The following TMEM175 variants were observed in gnomAD, a reference collection of about 807,000 sequenced individuals.
TMEM175 encodes transmembrane protein 175, also known as endosomal/lysosomal proton channel TMEM175.
In TMEM175, 36 loss-of-function variants were observed where a neutral mutation model predicts 36.5. That is an observed-to-expected ratio of 0.99 (90% CI 0.76 to 1.30). TMEM175 has a LOEUF of 1.30. Among genes scored for constraint, TMEM175 ranks in the 50% most tolerant of loss-of-function variants. TMEM175 has a pLI of 0.00. For missense variants in TMEM175, 705 were observed against 692.8 expected, an observed-to-expected ratio of 1.02 and a Z score of -0.20; for synonymous variants, 339 against 313.4, an observed-to-expected ratio of 1.08 and a Z score of -0.86.
chr4:950,987 G>T (rs944048436), intron 4 of TMEM175, among the ~76,000 whole-genome samples: 3 of 152,006 alleles, frequency 2.0e-5, no homozygotes, highest in African/African-American at 7.3e-5. Flanking sequence ...AGGTGTGGGC[G>T]GTGCGGATGG....
At chr4:952,274 TG>T in intron 6 of TMEM175, 92 bp from the exon 7 acceptor site, 1 of 1,096,958 alleles carries the variant, frequency 9.1e-7, no homozygotes, top group Non-Finnish European at 1.4e-6. Flanking sequence ...CAGCGTCCCG[TG>T]GAGTGGGGAG....
At position 957,844 on chromosome 4, in the gene TMEM175, C is replaced by T. The variant is rs748577289; in HGVS notation, c.863C>T (p.Pro288Leu). ...CTCAGCGAAGACAACGTCCCGGACCCCAAGGATGTGAAGGAGAGGTTCAGC... is the reference window on the plus strand; with the variant it reads ...CTCAGCGAAGACAACGTCCCGGACCTCAAGGATGTGAAGGAGAGGTTCAGC... Reference protein sequence around the residue: ...LDICEDNVPDPKDVKERFSGS... With the variant: ...LDICEDNVPDLKDVKERFSGS... Residue 288 changes from proline to leucine, a missense_variant, in exon 11 of 11, where the codon CCC (proline) becomes CTC (leucine). Transcript: ENST00000264771. 8.1e-6 allele frequency: 13 copies of T among 1,611,072 alleles called. No homozygotes were observed. The East Asian group carries it at 2.0e-4, about 25-fold the overall frequency.
rs1397197996 is a variant in TMEM175, at chr4:958,512, C to T, written c.*16C>T. 2.0e-6 allele frequency: 3 copies of T among 1,488,486 alleles called. No homozygotes were observed. The highest frequency in any genetic ancestry group is 2.7e-6 in the Non-Finnish European group (3 of 1,120,458). The allele number at this position is 1,488,486 out of a possible 1,614,324, so 92.2% of individuals were successfully genotyped here. A position where few individuals can be genotyped will look rare whatever the true frequency, so the allele number is the denominator to read the frequency against. On this transcript the variant is annotated 3_prime_UTR_variant, in exon 11 of 11. Coordinates refer to ENST00000264771, the MANE Select transcript of TMEM175 (RefSeq NM_032326.4). The stretch of plus-strand genomic sequence containing the variant: ...CCCCTGCTAGCAGCCACAGAGCCCA[C>T]TCCCAGCCGTCCTCACCAGAGATGG...
chr4:937,408 A>T (rs111646157), intron 1 of TMEM175, among the ~76,000 whole-genome samples: 3,914 of 152,152 alleles, frequency 0.026, 57 homozygotes, highest in Non-Finnish European at 0.041. Context: ...TACTCAAAAT[A>T]CAAAAATTAC....
chr4:941,363 C>T (rs1369753930), intron 1 of TMEM175, among the ~76,000 whole-genome samples: 20 of 116,468 alleles, frequency 1.7e-4, no homozygotes, highest in African/African-American at 2.8e-4. Context: ...GTAGCAAGAG[C>T]GAAACTCTGT....
chr4:935,054 A>C (rs932138680), intron 1 of TMEM175, among the ~76,000 whole-genome samples: 3 of 152,228 alleles, frequency 2.0e-5, no homozygotes, highest in Non-Finnish European at 2.9e-5. Flanking sequence ...AATAGCTATT[A>C]TGAGAAACCT....
rs370932930 is a variant in TMEM175, at chr4:951,259, G to T, written c.342+1G>T. ...CGACACACTTGCCCTGCTCAACCTGGTGAGTATTTTCCGGTCCTTTTCTGG... is the reference window on the plus strand; with the variant it reads ...CGACACACTTGCCCTGCTCAACCTGTTGAGTATTTTCCGGTCCTTTTCTGG... On this transcript the variant is annotated splice_donor_variant, in intron 5 of 10. Transcript: ENST00000264771. LOFTEE classifies it high-confidence loss of function. 25 of 1,613,958 alleles carry T rather than the reference G, an allele frequency of 1.5e-5. No individual in the cohort carries two copies. Among genetic ancestry groups the T allele is most frequent in the Admixed American group, 3.3e-5 (2 of 59,994 alleles).
chr4:941,681 C>T (rs184175546), intron 1 of TMEM175, among the ~76,000 whole-genome samples: 1 of 151,972 alleles, frequency 6.6e-6, no homozygotes, highest in Non-Finnish European at 1.5e-5. Flanking sequence ...GGTGATCCGC[C>T]CACCTTGGCC....
intron 1 of TMEM175, among the ~76,000 whole-genome samples, chr4:945,626 G>A (rs1728049472): frequency 6.6e-6 from 1 of 152,130 alleles, no homozygotes; most frequent in Admixed American, 6.5e-5. Flanking sequence ...GTCTCGCCTT[G>A]GTGTGAGCAG....
intron 1 of TMEM175, 83 bp from the exon 2 acceptor site, chr4:947,626 C>G: frequency 9.0e-7 from 1 of 1,114,388 alleles, no homozygotes; most frequent in Non-Finnish European, 1.3e-6. Flanking sequence ...ATACCAGTCC[C>G]TGTCCCTGCA....
chr4:955,417 A>G lies in TMEM175; in HGVS notation c.640A>G (p.Met214Val). Residue 214 changes from methionine to valine, a missense_variant, in exon 9 of 11, where the codon ATG becomes GTG. By Grantham distance (21) the Met-to-Val change is conservative. Transcript: ENST00000264771. ...LFFVPLSYLL[M>V]VTVILLPYVS... ...TGTCTCCCTGCAGTCTTACCTGCTG[A>G]TGGTGACTGTCATCCTCCTCCCCTA... 3 of 1,614,124 alleles carry G rather than the reference A, an allele frequency of 1.9e-6. No individual in the cohort carries two copies. The highest frequency in any genetic ancestry group is 2.2e-5 in the East Asian group (1 of 44,884).
intron 1 of TMEM175, among the ~76,000 whole-genome samples, chr4:943,055 A>C (rs1002398822): frequency 6.6e-6 from 1 of 152,194 alleles, no homozygotes; most frequent in Non-Finnish European, 1.5e-5. Flanking sequence ...CTAGAATATA[A>C]AGAACTCTCA....
Position 958,446 on chromosome 4 carries a change from C to T in TMEM175, c.1465C>T (p.Pro489Ser), listed in dbSNP as rs935570120. The change falls in exon 11 of 11, where the codon CCC becomes TCC. Residue 489 changes from proline to serine, a missense_variant. Pro to Ser is a moderately conservative substitution (Grantham distance 74, BLOSUM62 -1). Coordinates refer to ENST00000264771, the MANE Select transcript of TMEM175 (RefSeq NM_032326.4). ...LARPEHPPPAPTGQDDPQSQL... is the reference protein window; with the variant it reads ...LARPEHPPPASTGQDDPQSQL... Reference sequence around the variant, plus strand: ...CCGGCCCGAACACCCCCCGCCAGCCCCCACGGGCCAGGACGACCCACAGTC... The same window carrying T: ...CCGGCCCGAACACCCCCCGCCAGCCTCCACGGGCCAGGACGACCCACAGTC... 3.8e-6 allele frequency: 6 copies of T among 1,587,842 alleles called. No homozygotes were observed. Among genetic ancestry groups the T allele is most frequent in the Non-Finnish European group, 3.4e-6 (4 of 1,173,140 alleles).
intron 1 of TMEM175, among the ~76,000 whole-genome samples, chr4:934,914 T>C (rs1463620956): frequency 1.3e-5 from 2 of 152,226 alleles, no homozygotes; most frequent in Non-Finnish European, 2.9e-5. Context: ...CTTATGTATT[T>C]ATTGGAATGA....
chr4:948,228 A>G, intron 3 of TMEM175, 74 bp downstream of exon 3: 1 of 1,613,244 alleles, frequency 6.2e-7, no homozygotes, highest in Non-Finnish European at 8.5e-7. Context: ...GACCTGGCAC[A>G]GGGTGCTGAC....
At chr4:954,053 A>G (rs1464581958) in intron 8 of TMEM175, among the ~76,000 whole-genome samples, 1 of 151,308 alleles carries the variant, frequency 6.6e-6, no homozygotes, top group Non-Finnish European at 1.5e-5. Flanking sequence ...CACTGGCGCA[A>G]TCTCGGCTCA....
At chr4:950,902 AGGTGTGGATGGTGTGGAT>A (rs878982713) in intron 4 of TMEM175, among the ~76,000 whole-genome samples, 28 of 136,742 alleles carry the variant, frequency 2.0e-4, no homozygotes, top group Non-Finnish European at 3.7e-4. Flanking sequence ...CAATAGGTGG[AGGTGTGGATGGTGTGGAT>A]GGTGTGGATG....
At chr4:950,096 G>A (rs1271520538) in intron 3 of TMEM175, among the ~76,000 whole-genome samples, 1 of 151,834 alleles carries the variant, frequency 6.6e-6, no homozygotes, top group Non-Finnish European at 1.5e-5. Flanking sequence ...TGACCCCCCA[G>A]CAGGAACACA....
chr4:953,733 C>T (rs995989236), intron 8 of TMEM175, among the ~76,000 whole-genome samples: 19 of 152,318 alleles, frequency 1.2e-4, no homozygotes, highest in South Asian at 4.1e-4. Context: ...TCACCCAGGC[C>T]GGAGGGCAGT....
Sources: gnomAD v4.1 joint callset for allele counts (sites outside exome capture counted in the v4.1 genomes callset) on GRCh38, gnomAD v4.1.1 for gene constraint, MANE v1.5 for transcripts, NCBI Gene and HGNC (gene_info 2026-07-23, HGNC 2026-07-21) for gene names.